ZSCAN18: variants seen among roughly 807,000 people sequenced by gnomAD.
ZSCAN18 encodes zinc finger and SCAN domain-containing protein 18.
Under a neutral mutation model 31.1 loss-of-function variants are expected in ZSCAN18, and 16 were observed. That is an observed-to-expected ratio of 0.51 (90% CI 0.35 to 0.78). The LOEUF (loss-of-function observed/expected upper bound fraction) is 0.78, where lower values mean the gene tolerates loss of function less well. Among genes scored for constraint, ZSCAN18 ranks in the 30% least tolerant of loss-of-function variants. The probability of loss-of-function intolerance (pLI) is 0.01; values close to 1 mark genes in which losing one functional copy is unlikely to be tolerated. For synonymous variants in ZSCAN18, 375 were observed against 320.7 expected, an observed-to-expected ratio of 1.17 and a Z score of -1.81; for missense variants, 731 against 697.4, an observed-to-expected ratio of 1.05 and a Z score of -0.54.
chr19:58,108,456 T>C (rs1008927904), intron 1 of ZSCAN18: 3 of 985,574 alleles, frequency 3.0e-6, no homozygotes, highest in Non-Finnish European at 3.6e-6. Context: ...GGTTTTCTCA[T>C]GCTTGGTAAA....
At chr19:58,097,493 C>T (rs1226699415) in intron 1 of ZSCAN18, among the ~76,000 whole-genome samples, 1 of 151,816 alleles carries the variant, frequency 6.6e-6, no homozygotes, top group African/African-American at 2.4e-5. Flanking sequence ...TCAAACAGAA[C>T]CCACCCCCAG....
At chr19:58,092,534 C>G (rs891293877) in intron 1 of ZSCAN18, 2 of 205,808 alleles carry the variant, frequency 9.7e-6, no homozygotes, top group African/African-American at 4.9e-5. Context: ...TGAGATCATG[C>G]CACTGCACTC....
At chr19:58,085,919 A>AC in intron 6 of ZSCAN18, 2 of 455,582 alleles carry the variant, frequency 4.4e-6, no homozygotes, top group Non-Finnish European at 3.9e-6. Flanking sequence ...CACCCCCGGG[A>AC]CCAGTCATAC....
chr19:58,113,316 CAA>C (rs925091354), intron 1 of ZSCAN18, among the ~76,000 whole-genome samples: 7 of 138,394 alleles, frequency 5.1e-5, no homozygotes, highest in Admixed American at 7.3e-5. Flanking sequence ...ACTCTGTCTC[CAA>C]AAAAAAAAAG....
chr19:58,108,892 T>A, intron 1 of ZSCAN18: 1 of 1,015,540 alleles, frequency 9.8e-7, no homozygotes, highest in Non-Finnish European at 1.2e-6. Context: ...TTGTCCACCC[T>A]GGCTGATGGC....
At chr19:58,087,653 T>G (rs2074310647) in intron 3 of ZSCAN18, 3 of 473,966 alleles carry the variant, frequency 6.3e-6, no homozygotes, top group East Asian at 7.6e-5. Context: ...TTTTTTGGTT[T>G]GTTTGTTTTT....
intron 5 of ZSCAN18, 31 bp downstream of exon 5, chr19:58,086,874 TG>T: frequency 6.4e-7 from 1 of 1,559,486 alleles, no homozygotes; most frequent in Non-Finnish European, 8.8e-7. Context: ...GGATGGGGAG[TG>T]GGGCGTGACC....
chr19:58,116,619 C>T (rs1396435371), intron 1 of ZSCAN18, among the ~76,000 whole-genome samples: 1 of 152,108 alleles, frequency 6.6e-6, no homozygotes, highest in Non-Finnish European at 1.5e-5. Context: ...GAATGAACTG[C>T]CGAAGGAAGA....
At chr19:58,106,257 G>A (rs1043330086) in intron 1 of ZSCAN18, among the ~76,000 whole-genome samples, 1 of 152,064 alleles carries the variant, frequency 6.6e-6, no homozygotes, top group Non-Finnish European at 1.5e-5. Context: ...AAAAAAATTA[G>A]CCAGGCGTGG....
chr19:58,115,240 TAA>T (rs2146031889), intron 1 of ZSCAN18, among the ~76,000 whole-genome samples: 2 of 152,344 alleles, frequency 1.3e-5, no homozygotes, highest in South Asian at 4.1e-4. Flanking sequence ...GTTTGTGAGC[TAA>T]ATATTGTTTC....
chr19:58,097,006 C>T (rs1191960302), intron 1 of ZSCAN18, among the ~76,000 whole-genome samples: 3 of 152,106 alleles, frequency 2.0e-5, no homozygotes, highest in Non-Finnish European at 4.4e-5. Flanking sequence ...ATTCAAGCAT[C>T]ATGCACAGAA....
chr19:58,112,523 C>T (rs2074692052), intron 1 of ZSCAN18, among the ~76,000 whole-genome samples: 1 of 152,010 alleles, frequency 6.6e-6, no homozygotes, highest in African/African-American at 2.4e-5. Flanking sequence ...TGCTGGCAGG[C>T]ACCTGTAGTC....
rs763228971 is a variant in ZSCAN18 at position 58,086,235 on chromosome 19, G to A, written c.777C>T (p.Ser259=). The A allele has an allele frequency of 6.2e-7, 1 of 1,614,034 alleles. No individual in the cohort carries two copies. Among genetic ancestry groups the A allele is most frequent in the African/African-American group, 1.3e-5 (1 of 75,056 alleles). Residue 259 remains serine, a synonymous_variant, in exon 6 of 7, where the codon TCC becomes TCT. Coordinates refer to ENST00000601144, the MANE Select transcript of ZSCAN18 (RefSeq NM_001145543.2). ...GYQLSQPDAA[S]RLDTEELRLV... is the part of the protein sequence containing the mutation. ...ACCGGAGTTCCTCAGTGTCCAGCCT[G>A]GAGGCAGCGTCAGGCTGGGAAAGCT...
chr19:58,115,896 C>T (rs1241630592), intron 1 of ZSCAN18, among the ~76,000 whole-genome samples: 1 of 152,084 alleles, frequency 6.6e-6, no homozygotes, highest in Non-Finnish European at 1.5e-5. Flanking sequence ...CAAGGATACA[C>T]ATTCAACTTG....
At chr19:58,117,200 GAC>G (rs1306859396) in intron 1 of ZSCAN18, among the ~76,000 whole-genome samples, 1 of 152,184 alleles carries the variant, frequency 6.6e-6, no homozygotes, top group African/African-American at 2.4e-5. Flanking sequence ...TATCCAGGTG[GAC>G]AAAGAGGATT....
chr19:58,087,040 C>G (rs750144075), intron 4 of ZSCAN18, 32 bp from the exon 5 acceptor site: 1 of 1,550,724 alleles, frequency 6.4e-7, no homozygotes, highest in Non-Finnish European at 8.8e-7. Context: ...AGACCTCCCA[C>G]CTGCCCTAGA....
intron 1 of ZSCAN18, 98 bp downstream of exon 1, chr19:58,098,076 G>A (rs10421350): frequency 0.18 from 181,838 of 985,352 alleles, 18,325 homozygotes; most frequent in African/African-American, 0.4. Context: ...GGAACACCCT[G>A]GCCCCTTTCC....
intron 5 of ZSCAN18, chr19:58,086,514 A>C: frequency 2.0e-6 from 1 of 498,224 alleles, no homozygotes; most frequent in Non-Finnish European, 3.6e-6. Flanking sequence ...GACATTGACA[A>C]AAATTGCTCA....
Position 58,086,939 on chromosome 19 carries a change from T to G in ZSCAN18, c.712A>C (p.Asn238His). Residue 238 changes from asparagine to histidine, a missense_variant, in exon 5 of 7, where the codon AAC (asparagine) becomes CAC (histidine). Asn to His is a moderately conservative substitution (Grantham distance 68). This residue lies in a region of ZSCAN18 where 597 missense variants were observed against 499.5 expected (regional missense o/e 1.20). Transcript: ENST00000601144. The part of the protein sequence containing the change: ...EWGHLDPAEE[N>H]LKSYRKLLLW... ...AGCAGCTTCCGGTAGCTCTTCAGGTTCTCCTCGGCAGGGTCCAGGTGGCCC... is the reference window on the plus strand; with the variant it reads ...AGCAGCTTCCGGTAGCTCTTCAGGTGCTCCTCGGCAGGGTCCAGGTGGCCC... 1.9e-6 allele frequency: 3 copies of G among 1,613,774 alleles called. No individual in the cohort carries two copies. The highest frequency in any genetic ancestry group is 2.5e-6 in the Non-Finnish European group (3 of 1,179,932).
Sources: allele counts gnomAD v4.1 joint callset (sites outside exome capture counted in the v4.1 genomes callset), GRCh38; gene constraint gnomAD v4.1.1; regional missense constraint gnomAD v4.1.1; transcripts MANE v1.5; gene names NCBI Gene and HGNC (gene_info 2026-07-23, HGNC 2026-07-21).